Variants in MGAT4C observed in about 807,000 individuals in gnomAD.
MGAT4C encodes alpha-1,3-mannosyl-glycoprotein 4-beta-N-acetylglucosaminyltransferase C.
A neutral mutation model predicts 40.1 loss-of-function variants in MGAT4C; 19 were observed. The ratio of observed to expected loss-of-function variants is 0.47; its 90% CI spans 0.33 to 0.70. The LOEUF is 0.70. MGAT4C is among the 30% of genes least tolerant of loss of function. The pLI is 0.02. For synonymous variants in MGAT4C, 181 were observed against 187.1 expected (o/e 0.97, Z 0.27); for missense variants, 491 against 563.2 (o/e 0.87, Z 1.30).
intron 1 of MGAT4C, among the ~76,000 whole-genome samples, chr12:86,201,882 A>G (rs1950065687): frequency 6.6e-6 from 1 of 152,032 alleles, no homozygotes; most frequent in Admixed American, 6.6e-5. Flanking sequence ...CACTAAATTC[A>G]TTGCTATGAT....
chr12:86,744,366 G>C (rs1020552311), intron 1 of MGAT4C, among the ~76,000 whole-genome samples: 1 of 151,550 alleles, frequency 6.6e-6, no homozygotes, highest in African/African-American at 2.4e-5. Context: ...AAGCAGGGTG[G>C]GGAAGAATAA....
chr12:86,365,998 T>C (rs1277082138), intron 3 of MGAT4C, among the ~76,000 whole-genome samples: 1 of 152,352 alleles, frequency 6.6e-6, no homozygotes, highest in Non-Finnish European at 1.5e-5. Context: ...ATTTTAACAA[T>C]ATTGATTCTT....
intron 1 of MGAT4C, among the ~76,000 whole-genome samples, chr12:86,077,126 T>C (rs1399209513): frequency 6.6e-6 from 1 of 152,130 alleles, no homozygotes; most frequent in Non-Finnish European, 1.5e-5. Context: ...GGCAACACTC[T>C]CATAGACAAA....
chr12:86,313,541 A>G (rs73385231), intron 4 of MGAT4C, among the ~76,000 whole-genome samples: 7,361 of 152,242 alleles, frequency 0.048, 519 homozygotes, highest in African/African-American at 0.16. Flanking sequence ...AAGACCTATA[A>G]GGCAGTTAAC....
chr12:86,264,639 A>C (rs943646627), intron 4 of MGAT4C, among the ~76,000 whole-genome samples: 9 of 152,298 alleles, frequency 5.9e-5, no homozygotes, highest in African/African-American at 2.2e-4. Flanking sequence ...CTTGGGGGCC[A>C]GGGACAGGCA....
chr12:86,321,699 C>CA (rs1226275805), intron 4 of MGAT4C, among the ~76,000 whole-genome samples: 1 of 151,894 alleles, frequency 6.6e-6, no homozygotes, highest in Non-Finnish European at 1.5e-5. Flanking sequence ...GTTAGAATGG[C>CA]GATCATTAAC....
At chr12:86,672,431 A>G (rs926850304) in intron 2 of MGAT4C, among the ~76,000 whole-genome samples, 1 of 152,158 alleles carries the variant, frequency 6.6e-6, no homozygotes, top group Non-Finnish European at 1.5e-5. Context: ...TGAAGATCAG[A>G]GCACAAATAA....
At chr12:86,362,866 C>A (rs1378805466) in intron 3 of MGAT4C, among the ~76,000 whole-genome samples, 779 of 104,656 alleles carry the variant, frequency 7.4e-3, no homozygotes, top group Non-Finnish European at 8.2e-3. Flanking sequence ...GACTCCATCT[C>A]AAAAAAAAAA....
Position 86,735,291 on chromosome 12 carries a change from C to T in MGAT4C, c.-261-8050G>A, listed in dbSNP as rs542559534. On this transcript the variant is annotated intron_variant, in intron 1 of 7. Coordinates refer to the MGAT4C transcript ENST00000548651. Reference sequence around the variant, plus strand: ...CCGAGAGAGGGTCAGTGAGTTGGGCCCCTCCTTGTAGAAATCATTTGTGAT... The same window carrying T: ...CCGAGAGAGGGTCAGTGAGTTGGGCTCCTCCTTGTAGAAATCATTTGTGAT... Among the ~76,000 whole-genome samples, 6 of 151,698 alleles carry T rather than the reference C, an allele frequency of 4.0e-5. No individual in the cohort carries two copies. In the East Asian group the frequency reaches 9.8e-4, roughly 25 times the overall value.
rs1287336143 is a variant in MGAT4C at position 86,240,026 on chromosome 12, T to TAA, written c.-57+16211_-57+16212dup. Among the ~76,000 whole-genome samples the TAA allele has an allele frequency of 6.7e-3, 469 of 69,722 alleles. 3 individuals carry two copies. Among genetic ancestry groups the TAA allele is most frequent in the African/African-American group, 0.015 (448 of 29,410 alleles). 45.7% of individuals were successfully genotyped at this position (69,722 alleles called of 152,430 possible). ...ACGTACCCTAAAACTTAGAGTATAATAAAAAAAAAAAATAAAAAATAAAAT... is the reference window on the plus strand; with the variant it reads ...ACGTACCCTAAAACTTAGAGTATAATAAAAAAAAAAAAAATAAAAAATAAAAT... On this transcript the variant is annotated intron_variant, in intron 1 of 4. Transcript: ENST00000611864.
At chr12:86,452,772 T>C (rs2136288560) in intron 2 of MGAT4C, among the ~76,000 whole-genome samples, 1 of 152,254 alleles carries the variant, frequency 6.6e-6, no homozygotes, top group Non-Finnish European at 1.5e-5. Context: ...TTAGTAACTT[T>C]GACTCCAGTG....
chr12:86,522,219 T>C (rs897713823), intron 2 of MGAT4C, among the ~76,000 whole-genome samples: 7 of 152,090 alleles, frequency 4.6e-5, no homozygotes, highest in Non-Finnish European at 1.0e-4. Context: ...TGTCCATTCA[T>C]TATGATGTTG....
At chr12:86,130,073 T>C (rs1566024897) in intron 1 of MGAT4C, among the ~76,000 whole-genome samples, 1 of 152,236 alleles carries the variant, frequency 6.6e-6, no homozygotes, top group Non-Finnish European at 1.5e-5. Flanking sequence ...TGATTGCCTA[T>C]ACTGATGGAA....
chr12:86,444,533 C>T (rs929216401), intron 2 of MGAT4C, among the ~76,000 whole-genome samples: 1 of 152,174 alleles, frequency 6.6e-6, no homozygotes, highest in African/African-American at 2.4e-5. Context: ...TCCTGGCTCT[C>T]TAACAAGGAT....
intron 2 of MGAT4C, among the ~76,000 whole-genome samples, chr12:86,491,730 T>C (rs1289454788): frequency 3.3e-5 from 5 of 150,424 alleles, no homozygotes; most frequent in African/African-American, 4.9e-5. Context: ...CTTTGAAAAC[T>C]GGCACAAGAC....
At position 85,957,657 on chromosome 12, in the gene MGAT4C, C is replaced by CAAAAAAAAAAAAAAAAAGAAAA. The variant is rs5799763; in HGVS notation, c.*21631_*21632insTTTTCTTTTTTTTTTTTTTTTT. The CAAAAAAAAAAAAAAAAAGAAAA allele has an allele frequency of 9.9e-6, 1 of 101,296 alleles. No individual in the cohort carries two copies. The highest frequency in any genetic ancestry group is 1.1e-4 in the Admixed American group (1 of 9,394). 6.3% of individuals were successfully genotyped at this position (101,296 alleles called of 1,614,324 possible). The stretch of plus-strand genomic sequence containing the variant: ...TTTACTGTAGAGTTGAATAAGAAAG[C>CAAAAAAAAAAAAAAAAAGAAAA]AAAAAAAAAAAAAAAAGAAAAAAGA... On this transcript the variant is annotated 3_prime_UTR_variant, in exon 5 of 5. Coordinates refer to ENST00000611864, the MANE Select transcript of MGAT4C (RefSeq NM_001351288.2).
intron 1 of MGAT4C, among the ~76,000 whole-genome samples, chr12:86,125,438 T>G (rs544824166): frequency 6.6e-6 from 1 of 152,318 alleles, no homozygotes; most frequent in Non-Finnish European, 1.5e-5. Context: ...TGAACTGATG[T>G]GGTTCAGCCA....
At chr12:86,023,359 G>C (rs892894642) in intron 2 of MGAT4C, among the ~76,000 whole-genome samples, 3 of 151,484 alleles carry the variant, frequency 2.0e-5, no homozygotes, top group Non-Finnish European at 2.9e-5. Flanking sequence ...TTTTAGAGAT[G>C]AATTAAGAAC....
intron 3 of MGAT4C, among the ~76,000 whole-genome samples, chr12:86,367,184 A>G (rs1474735245): frequency 6.6e-6 from 1 of 151,694 alleles, no homozygotes; most frequent in East Asian, 2.0e-4. Flanking sequence ...TGTCCTAACT[A>G]CAAGCAGAAA....
Sources: allele counts gnomAD v4.1 joint callset (sites outside exome capture counted in the v4.1 genomes callset), GRCh38; gene constraint gnomAD v4.1.1; transcripts MANE v1.5; gene names NCBI Gene and HGNC (gene_info 2026-07-23, HGNC 2026-07-21).